The following ASMTL variants were observed in gnomAD, a reference collection of about 807,000 sequenced individuals.
The protein encoded by ASMTL is acetylserotonin O-methyltransferase like.
ASMTL carries 57 observed loss-of-function variants against 60.3 expected under a neutral mutation model. That is an observed-to-expected ratio of 0.95 (90% CI 0.76 to 1.18). The LOEUF (loss-of-function observed/expected upper bound fraction) is 1.18. Among genes scored for constraint, ASMTL ranks in the 50% most tolerant of loss-of-function variants. The probability of loss-of-function intolerance (pLI) is 0.00; values close to 1 mark genes in which losing one functional copy is unlikely to be tolerated. For missense variants in ASMTL, 981 were observed against 852.6 expected (o/e 1.15, Z -1.88); for synonymous variants, 419 against 373.0 (o/e 1.12, Z -1.42).
intron 8 of ASMTL, among the ~76,000 whole-genome samples, chrX:1,422,739 TGAGTGTAC>T (rs1326331482): frequency 3.9e-5 from 6 of 152,156 alleles, no homozygotes; most frequent in Non-Finnish European, 8.8e-5. Flanking sequence ...GAGCTGACCC[TGAGTGTAC>T]GGTTTGCTAT....
chrX:1,435,746 GC>G lies in ASMTL; in HGVS notation c.285del (p.Leu96Ter). On this transcript the variant is annotated frameshift_variant, in exon 4 of 13. Coordinates refer to ENST00000381317, the MANE Select transcript of ASMTL (RefSeq NM_004192.4). LOFTEE classifies it high-confidence loss of function. ...IGADTIVTVG[G>X]LILEKPVDKQ... ...TTGTCCACCGGCTTCTCCAGAATCA[GC>G]CCCCCGACTGTCTGTGAGAGGAAGG... The G allele has an allele frequency of 1.2e-6, 2 of 1,613,482 alleles. No individual in the cohort carries two copies. Among genetic ancestry groups the G allele is most frequent in the Non-Finnish European group, 1.7e-6 (2 of 1,179,680 alleles).
intron 12 of ASMTL, among the ~76,000 whole-genome samples, chrX:1,407,507 G>C (rs2089908972): frequency 6.6e-6 from 1 of 151,896 alleles, no homozygotes; most frequent in African/African-American, 2.4e-5. Context: ...TGGATGGATG[G>C]GTGAATATAT....
chrX:1,413,516 G>C (rs1277769372), intron 11 of ASMTL, among the ~76,000 whole-genome samples: 1 of 152,246 alleles, frequency 6.6e-6, no homozygotes, highest in Admixed American at 6.5e-5. Flanking sequence ...CAGGAGGGTT[G>C]CCTGTTGCGG....
intron 11 of ASMTL, among the ~76,000 whole-genome samples, chrX:1,416,022 C>G (rs1395927974): frequency 2.4e-4 from 34 of 142,864 alleles, no homozygotes; most frequent in Non-Finnish European, 2.1e-4. Context: ...CACACACACA[C>G]ACGGACACAG....
At chrX:1,450,054 TCCTTCCATCACCA>T (rs1281873528) in intron 1 of ASMTL, among the ~76,000 whole-genome samples, 3 of 147,934 alleles carry the variant, frequency 2.0e-5, no homozygotes, top group Non-Finnish European at 4.5e-5. Context: ...CCAGTAACTA[TCCTTCCATCACCA>T]GTAACTATGC....
chrX:1,439,886 G>C (rs1445241549), intron 2 of ASMTL, among the ~76,000 whole-genome samples: 7 of 151,136 alleles, frequency 4.6e-5, no homozygotes, highest in Non-Finnish European at 1.0e-4. Context: ...AAAGAAAAAG[G>C]TACTTAGGAC....
intron 5 of ASMTL, among the ~76,000 whole-genome samples, chrX:1,434,060 G>A (rs773909286): frequency 7.1e-4 from 108 of 152,264 alleles, no homozygotes; most frequent in African/African-American, 2.5e-3. Flanking sequence ...TGGGATCTGC[G>A]CTAACTCCGA....
rs1349311941 is a variant in ASMTL, at chrX:1,435,713, C to T, written c.319G>A (p.Ala107Thr). The change falls in exon 4 of 13, where the codon GCC becomes ACC. Residue 107 changes from alanine (A) to threonine (T), a missense_variant. Physicochemically the swap from Ala to Thr is moderately conservative, Grantham distance 58. Transcript: ENST00000381317. ...GCTTACCGGGACAGCATCCTGTAGG[C>T]GTCCTGCTTGTCCACCGGCTTCTCC... Reference protein sequence around the residue: ...ILEKPVDKQDAYRMLSRLSGR... With the variant: ...ILEKPVDKQDTYRMLSRLSGR... 14 of 1,613,454 alleles carry T rather than the reference C, an allele frequency of 8.7e-6. No homozygotes were observed. Among genetic ancestry groups the T allele is most frequent in the African/African-American group, 1.3e-5 (1 of 74,872 alleles).
At chrX:1,426,789 T>G in intron 7 of ASMTL, among the ~76,000 whole-genome samples, 1 of 152,210 alleles carries the variant, frequency 6.6e-6, no homozygotes, top group Admixed American at 6.5e-5. Context: ...CTTAATTACA[T>G]CTGCTAAGAC....
intron 5 of ASMTL, among the ~76,000 whole-genome samples, chrX:1,433,084 C>A (rs758142556): frequency 6.6e-6 from 1 of 151,938 alleles, no homozygotes; most frequent in Non-Finnish European, 1.5e-5. Flanking sequence ...GGCGACAGAG[C>A]GAGACTCTGT....
intron 1 of ASMTL, among the ~76,000 whole-genome samples, chrX:1,446,531 G>GTTTTTTT: frequency 7.9e-6 from 1 of 126,084 alleles, no homozygotes. Context: ...ACGGAGTCTT[G>GTTTTTTT]CTCTGTCGCC....
intron 1 of ASMTL, among the ~76,000 whole-genome samples, chrX:1,443,736 G>A (rs1330361565): frequency 1.4e-5 from 2 of 138,134 alleles, no homozygotes; most frequent in African/African-American, 2.6e-5. Flanking sequence ...CACCCCCATC[G>A]TGGACAGACA....
Position 1,452,857 on chromosome X carries a change from G to GT in ASMTL, c.-18_-17insA, listed in dbSNP as rs771793918. The stretch of plus-strand genomic sequence containing the variant: ...CAGCACCATGGCGTCCACGCCGGGA[G>GT]CCGGGCGTCCGCACTTCTGAGCCCG... On this transcript the variant is annotated 5_prime_UTR_variant, in exon 1 of 13. Coordinates refer to ENST00000381317, the MANE Select transcript of ASMTL (RefSeq NM_004192.4). 1 of 1,547,862 alleles carries GT rather than the reference G, an allele frequency of 6.5e-7. No homozygotes were observed. The highest frequency in any genetic ancestry group is 8.7e-7 in the Non-Finnish European group (1 of 1,154,988).
chrX:1,436,958 G>A (rs182520683), intron 3 of ASMTL, among the ~76,000 whole-genome samples: 1 of 152,366 alleles, frequency 6.6e-6, no homozygotes, highest in East Asian at 1.9e-4. Context: ...CGAGATCCAG[G>A]TGTGGGCAGG....
At chrX:1,433,501 TAAAAAA>T (rs35959333) in intron 5 of ASMTL, among the ~76,000 whole-genome samples, 16 of 99,158 alleles carry the variant, frequency 1.6e-4, no homozygotes, top group Non-Finnish European at 2.5e-4. Context: ...CCGTCTCTAC[TAAAAAA>T]AAAAAAAAAA....
chrX:1,420,133 CTG>C (rs1348345700), intron 9 of ASMTL, among the ~76,000 whole-genome samples: 1 of 150,940 alleles, frequency 6.6e-6, no homozygotes, highest in Non-Finnish European at 1.5e-5. Context: ...CTCTATGTGT[CTG>C]TCTGTCTCCA....
At chrX:1,435,285 G>A in intron 4 of ASMTL, 1 of 661,106 alleles carries the variant, frequency 1.5e-6, no homozygotes, top group Non-Finnish European at 2.7e-6. Context: ...AATCCCACCA[G>A]CAGTGGCCCT....
intron 3 of ASMTL, among the ~76,000 whole-genome samples, chrX:1,438,411 T>C (rs28653052): frequency 0.34 from 51,018 of 151,798 alleles, 9,043 homozygotes; most frequent in East Asian, 0.52. Flanking sequence ...CAACAGCCTC[T>C]AGGAGCTGGA....
At chrX:1,453,206 C>T (rs1179773336), upstream of ASMTL, among the ~76,000 whole-genome samples, 11 of 151,830 alleles carry the variant, frequency 7.2e-5, 1 homozygote, top group African/African-American at 2.4e-4. Flanking sequence ...CTCCGCCAGG[C>T]CACGCCCATG....
Sources: gnomAD v4.1 joint callset for allele counts (sites outside exome capture counted in the v4.1 genomes callset) on GRCh38, gnomAD v4.1.1 for gene constraint, MANE v1.5 for transcripts, NCBI Gene and HGNC (gene_info 2026-07-23, HGNC 2026-07-21) for gene names.